Variants in PKP4 observed in about 807,000 individuals in gnomAD.
The protein encoded by PKP4 is plakophilin-4.
In PKP4, 90 loss-of-function variants were observed where a neutral mutation model predicts 145.1. That is an observed-to-expected ratio of 0.62 (90% CI 0.52 to 0.74). The LOEUF (loss-of-function observed/expected upper bound fraction) is 0.74, where lower values mean the gene tolerates loss of function less well. Among genes scored for constraint, PKP4 ranks in the 30% least tolerant of loss-of-function variants. The probability of loss-of-function intolerance (pLI) is 0.00; values close to 1 mark genes in which losing one functional copy is unlikely to be tolerated. For missense variants in PKP4, 1,340 were observed against 1,482.7 expected (o/e 0.90, Z 1.58); for synonymous variants, 563 against 577.2 (o/e 0.98, Z 0.35).
Position 158,631,860 on chromosome 2 carries a change from T to C in PKP4, c.1261T>C (p.Tyr421His). The change falls in exon 8 of 22, where the codon TAC (tyrosine) becomes CAC (histidine). Residue 421 changes from tyrosine to histidine, a missense_variant. Physicochemically the swap from Tyr to His is moderately conservative, Grantham distance 83 (BLOSUM62 2). Transcript: ENST00000389759. ...TCCTATATATGAGGGGAGGACCTAT[T>C]ACAGCCCAGTGTACCGCAGCCCAAA... ...ITPIYEGRTY[Y>H]SPVYRSPNHG... 6.2e-7 allele frequency: 1 copy of C among 1,614,156 alleles called. No homozygotes were observed.
intron 1 of PKP4, among the ~76,000 whole-genome samples, chr2:158,476,068 T>A (rs1424288174): frequency 2.0e-5 from 3 of 152,228 alleles, no homozygotes. Context: ...ATCCTTATCT[T>A]TTTAACTTAG....
intron 1 of PKP4, among the ~76,000 whole-genome samples, chr2:158,481,654 C>G (rs1693371489): frequency 6.6e-6 from 1 of 152,116 alleles, no homozygotes; most frequent in African/African-American, 2.4e-5. Context: ...ATTTGAGTAT[C>G]TTTTCATGTG....
chr2:158,483,885 TAA>T (rs1255140065), intron 1 of PKP4, among the ~76,000 whole-genome samples: 1 of 152,206 alleles, frequency 6.6e-6, no homozygotes, highest in African/African-American at 2.4e-5. Context: ...AAAGTATTGT[TAA>T]AACTGCCAGC....
chr2:158,485,707 G>A (rs961347248), intron 1 of PKP4, among the ~76,000 whole-genome samples: 1 of 152,166 alleles, frequency 6.6e-6, no homozygotes, highest in South Asian at 2.1e-4. Context: ...TGTAAAATGG[G>A]AGAATGATAC....
intron 1 of PKP4, among the ~76,000 whole-genome samples, chr2:158,468,946 TTTG>T (rs1419624212): frequency 6.6e-6 from 1 of 151,816 alleles, no homozygotes; most frequent in Non-Finnish European, 1.5e-5. Flanking sequence ...GACTAATTTT[TTTG>T]TTTTTGTTTT....
chr2:158,556,292 C>T (rs548184282), intron 2 of PKP4, among the ~76,000 whole-genome samples: 2 of 152,260 alleles, frequency 1.3e-5, no homozygotes, highest in Non-Finnish European at 2.9e-5. Flanking sequence ...AGTTTAACAG[C>T]TCGGTGTGTT....
At chr2:158,489,304 T>C (rs1694609561) in intron 1 of PKP4, among the ~76,000 whole-genome samples, 1 of 152,242 alleles carries the variant, frequency 6.6e-6, no homozygotes, top group African/African-American at 2.4e-5. Flanking sequence ...TTTTGCTTTT[T>C]ATAGTTATGG....
chr2:158,630,786 A>G (rs767895200), intron 7 of PKP4, among the ~76,000 whole-genome samples: 17 of 152,212 alleles, frequency 1.1e-4, no homozygotes, highest in Admixed American at 3.3e-4. Flanking sequence ...AGTGAAAATG[A>G]TATAATAATA....
At chr2:158,457,244 C>G (rs1238077266) in intron 1 of PKP4, 26 bp downstream of exon 1, 3 of 151,786 alleles carry the variant, frequency 2.0e-5, no homozygotes, top group Admixed American at 2.0e-4. Context: ...CGCGGGAGGG[C>G]GCGGAGACTC....
chr2:158,495,244 A>G (rs1056337596), intron 1 of PKP4, among the ~76,000 whole-genome samples: 3 of 151,410 alleles, frequency 2.0e-5, no homozygotes, highest in African/African-American at 7.3e-5. Context: ...ATGAAGTACC[A>G]TTTTTTTCAC....
chr2:158,488,879 C>T (rs1694542046), intron 1 of PKP4, among the ~76,000 whole-genome samples: 1 of 152,126 alleles, frequency 6.6e-6, no homozygotes, highest in Non-Finnish European at 1.5e-5. Flanking sequence ...TAAAAGAGAG[C>T]TGTCCAAGGA....
intron 1 of PKP4, among the ~76,000 whole-genome samples, chr2:158,501,082 A>G (rs1696490260): frequency 6.6e-6 from 1 of 152,128 alleles, no homozygotes; most frequent in Non-Finnish European, 1.5e-5. Context: ...GGCATCTTGG[A>G]AACTCCCTAA....
chr2:158,522,897 C>G (rs2042536321), intron 1 of PKP4, among the ~76,000 whole-genome samples: 1 of 152,196 alleles, frequency 6.6e-6, no homozygotes, highest in Admixed American at 6.5e-5. Context: ...CGGGTCACTC[C>G]CACCCGAATA....
intron 2 of PKP4, among the ~76,000 whole-genome samples, chr2:158,536,396 T>C (rs1369762077): frequency 1.3e-5 from 2 of 152,178 alleles, no homozygotes; most frequent in African/African-American, 4.8e-5. Flanking sequence ...AAGTAGTATC[T>C]TATAAAATTA....
intron 1 of PKP4, among the ~76,000 whole-genome samples, chr2:158,467,881 A>G (rs1690896851): frequency 6.6e-6 from 1 of 152,120 alleles, no homozygotes; most frequent in African/African-American, 2.4e-5. Context: ...ATATTATATA[A>G]ATAGATTTAT....
intron 15 of PKP4, among the ~76,000 whole-genome samples, chr2:158,664,975 T>C (rs974791007): frequency 6.6e-6 from 1 of 152,210 alleles, no homozygotes; most frequent in South Asian, 2.1e-4. Context: ...TCGATGTGAT[T>C]TGACTTATTT....
chr2:158,568,851 T>G (rs951890872), intron 2 of PKP4, among the ~76,000 whole-genome samples: 1 of 152,108 alleles, frequency 6.6e-6, no homozygotes, highest in African/African-American at 2.4e-5. Flanking sequence ...CACATACCTG[T>G]AATCCCAACT....
In PKP4 at chr2:158,554,666, C is replaced by T. The variant is rs544129845; in HGVS notation, c.132+21350C>T. Among the ~76,000 whole-genome samples the T allele has an allele frequency of 4.6e-5, 7 of 152,218 alleles. No individual in the cohort carries two copies. In the East Asian group the frequency reaches 1.4e-3, roughly 29 times the overall value. ...GGTCTCGATCTCCTGACCTCGTGAT[C>T]CGCCTGCGTCAGCCTCCCAAAGTGC... On this transcript the variant is annotated intron_variant, in intron 2 of 21. Transcript: ENST00000389759.
chr2:158,611,611 A>G (rs913282973), intron 4 of PKP4, among the ~76,000 whole-genome samples: 1 of 151,248 alleles, frequency 6.6e-6, no homozygotes, highest in Non-Finnish European at 1.5e-5. Context: ...TTAAATTGAA[A>G]CACTTTATGC....
Sources: allele counts gnomAD v4.1 joint callset (sites outside exome capture counted in the v4.1 genomes callset), GRCh38; gene constraint gnomAD v4.1.1; transcripts MANE v1.5; gene names NCBI Gene and HGNC (gene_info 2026-07-23, HGNC 2026-07-21).